Variants in MCM5 observed in about 807,000 individuals in gnomAD.
MCM5 encodes the protein minichromosome maintenance complex component 5.
MCM5 carries 46 observed loss-of-function variants against 79.9 expected under a neutral mutation model. That is an observed-to-expected ratio of 0.58 (90% CI 0.45 to 0.74). The LOEUF (loss-of-function observed/expected upper bound fraction) is 0.74, where lower values mean the gene tolerates loss of function less well. Ranked by LOEUF, MCM5 falls within the 30% of genes least tolerant of loss-of-function variation. The pLI is 0.00. For synonymous variants in MCM5, 404 were observed against 390.5 expected (o/e 1.03, Z -0.41); for missense variants, 883 against 1,017.0 (o/e 0.87, Z 1.79).
chr22:35,442,006 C>T, the MCM5 span, among the ~76,000 whole-genome samples: 81 of 152,220 alleles, frequency 5.3e-4, no homozygotes, highest in Non-Finnish European at 8.4e-4. Flanking sequence ...CTTCCAGTCT[C>T]CCCTGTTCCC....
the MCM5 span, among the ~76,000 whole-genome samples, chr22:35,452,023 A>G: frequency 5.3e-5 from 8 of 152,140 alleles, no homozygotes; most frequent in African/African-American, 9.7e-5. Context: ...GCCCTGTGCT[A>G]TCTCAGCCCC....
chr22:35,412,679 G>A lies in MCM5; in HGVS notation c.1089G>A (p.Lys363=), dbSNP rs755317849. 1.4e-6 allele frequency: 2 copies of A among 1,478,534 alleles called. No homozygotes were observed. The highest frequency in any genetic ancestry group is 1.8e-6 in the Non-Finnish European group (2 of 1,104,796). 91.6% of individuals were successfully genotyped at this position (1,478,534 alleles called of 1,614,324 possible). A position where few individuals can be genotyped will look rare whatever the true frequency, so the allele number is the denominator to read the frequency against. ...GCCTGCTCTTTGGGGGCTCCCGAAA[G>A]AGGTAGGGGCTTGAGTTCCCTTGGG... is the stretch of plus-strand genomic sequence containing the variant. ...IACLLFGGSR[K]RLPDGLTRRG... The change falls in exon 8 of 17, where the codon AAG becomes AAA. Residue 363 remains lysine, a splice_region_variant and synonymous_variant. Coordinates refer to ENST00000216122, the MANE Select transcript of MCM5 (RefSeq NM_006739.4).
intron 4 of MCM5, among the ~76,000 whole-genome samples, chr22:35,405,632 G>A (rs1411120017): frequency 1.3e-5 from 2 of 152,072 alleles, no homozygotes; most frequent in African/African-American, 4.8e-5. Context: ...CTTCCAAAGT[G>A]TCGGTATTAC....
At chr22:35,423,625 C>A (rs1428951978) in intron 16 of MCM5, 1 of 271,582 alleles carries the variant, frequency 3.7e-6, no homozygotes, top group Non-Finnish European at 6.9e-6. Context: ...CAGCCCTTCC[C>A]GTCTGTGCCT....
chr22:35,420,567 G>A (rs1031196218), intron 14 of MCM5, among the ~76,000 whole-genome samples: 8 of 152,246 alleles, frequency 5.3e-5, no homozygotes, highest in African/African-American at 1.9e-4. Flanking sequence ...CTGTAGCACT[G>A]TCTGGAGGAA....
At chr22:35,410,069 T>C (rs1356419041) in intron 6 of MCM5, 3 of 153,954 alleles carry the variant, frequency 1.9e-5, no homozygotes, top group African/African-American at 7.2e-5. Context: ...ATAAAGCACT[T>C]CTATGTCTGC....
In MCM5 at chr22:35,410,765, C is replaced by T; in HGVS notation, c.774C>T (p.Val258=). 6.2e-7 allele frequency: 1 copy of T among 1,614,112 alleles called. No individual in the cohort carries two copies. The highest frequency in any genetic ancestry group is 8.5e-7 in the Non-Finnish European group (1 of 1,179,980). Residue 258 remains valine (V), a synonymous_variant, in exon 7 of 17, where the codon GTC becomes GTT. Coordinates refer to ENST00000216122, the MANE Select transcript of MCM5 (RefSeq NM_006739.4). ...TCAGGTACCTGTGTGACAAGGTCGT[C>T]CCTGGGAACAGGGTTACCATCATGG... The part of the protein sequence containing the change: ...YCDRYLCDKV[V]PGNRVTIMGI...
At position 35,415,972 on chromosome 22, in the gene MCM5, G is replaced by A; in HGVS notation, c.1347G>A (p.Lys449=). Residue 449 remains lysine, a splice_region_variant and synonymous_variant, in exon 10 of 17, where the codon AAG becomes AAA. Transcript: ENST00000216122. The part of the protein sequence containing the change: ...GGVVCIDEFD[K]MREDDRVAIH... ...TCGTCTGTATTGACGAGTTTGACAA[G>A]GTGAGTCTGATGAGGTGGGTAGTAG... is the stretch of plus-strand genomic sequence containing the variant. 1 of 1,612,326 alleles carries A rather than the reference G, an allele frequency of 6.2e-7. No individual in the cohort carries two copies. Among genetic ancestry groups the A allele is most frequent in the Non-Finnish European group, 8.5e-7 (1 of 1,178,458 alleles).
chr22:35,451,129 C>T, the MCM5 span, among the ~76,000 whole-genome samples: 6 of 152,234 alleles, frequency 3.9e-5, no homozygotes. Context: ...ATCCTCCCCT[C>T]TCTGCAGCCA....
the MCM5 span, among the ~76,000 whole-genome samples, chr22:35,444,279 G>C: frequency 6.6e-6 from 1 of 151,766 alleles, no homozygotes; most frequent in South Asian, 2.1e-4. Flanking sequence ...GTGGAGAGAG[G>C]GGGGCTTGAG....
At chr22:35,403,673 A>G in intron 4 of MCM5, 131 bp downstream of exon 4, 1 of 1,172,010 alleles carries the variant, frequency 8.5e-7, no homozygotes, top group Non-Finnish European at 1.2e-6. Flanking sequence ...AGACAAAAGG[A>G]TCGTTTGTTG....
chr22:35,433,993 A>G, the MCM5 span, among the ~76,000 whole-genome samples: 2 of 152,226 alleles, frequency 1.3e-5, no homozygotes, highest in Non-Finnish European at 2.9e-5. Context: ...ATGGCATGGA[A>G]ATCCTGCCAT....
chr22:35,437,299 G>A, the MCM5 span, among the ~76,000 whole-genome samples: 3 of 152,348 alleles, frequency 2.0e-5, no homozygotes, highest in East Asian at 5.8e-4. Flanking sequence ...AGGTGACTCA[G>A]GCTGGGCCAA....
the MCM5 span, among the ~76,000 whole-genome samples, chr22:35,453,057 G>A: frequency 6.6e-6 from 1 of 152,206 alleles, no homozygotes; most frequent in African/African-American, 2.4e-5. Context: ...GGCAGGGGGA[G>A]GGTGACGGCC....
At chr22:35,403,073 G>C in intron 2 of MCM5, 134 bp from the exon 3 acceptor site, 1 of 1,064,508 alleles carries the variant, frequency 9.4e-7, no homozygotes, top group South Asian at 1.5e-5. Flanking sequence ...TTAGATGTGT[G>C]TTTGGGAAGA....
intron 16 of MCM5, chr22:35,423,866 C>T (rs1932751985): frequency 2.8e-6 from 1 of 362,272 alleles, no homozygotes; most frequent in Non-Finnish European, 5.0e-6. Context: ...GGTATCGTGT[C>T]TATTCTATAG....
rs1569066997 is a variant in MCM5, at chr22:35,412,622, TG to T, written c.1037del (p.Gly346AlafsTer4). The T allele has an allele frequency of 6.3e-7, 1 of 1,575,594 alleles. No homozygotes were observed. The highest frequency in any genetic ancestry group is 8.6e-7 in the Non-Finnish European group (1 of 1,157,720). On this transcript the variant is annotated frameshift_variant, in exon 8 of 17. Transcript: ENST00000216122. LOFTEE classifies it high-confidence loss of function. ...ISKSIAPSIF[G>X]GTDMKKAIAC... ...CCAAGAGCATCGCCCCCTCCATCTT[TG>T]GGGGCACAGACATGAAGAAGGCCAT...
At chr22:35,452,037 C>A in the MCM5 span, among the ~76,000 whole-genome samples, 1 of 152,208 alleles carries the variant, frequency 6.6e-6, no homozygotes, top group Non-Finnish European at 1.5e-5. Context: ...CAGCCCCTGG[C>A]TTCTGCCCTT....
the MCM5 span, among the ~76,000 whole-genome samples, chr22:35,449,569 C>T: frequency 6.6e-6 from 1 of 150,580 alleles, no homozygotes; most frequent in Admixed American, 6.6e-5. Flanking sequence ...TTTGTCCCAG[C>T]TGTGGCCTCT....
Sources: gnomAD v4.1 joint callset for allele counts (sites outside exome capture counted in the v4.1 genomes callset) on GRCh38, gnomAD v4.1.1 for gene constraint, MANE v1.5 for transcripts, NCBI Gene and HGNC (gene_info 2026-07-23, HGNC 2026-07-21) for gene names.